Variants in ATXN2 observed in about 807,000 individuals in gnomAD.
The protein encoded by ATXN2 is ataxin-2.
ATXN2 carries 37 observed loss-of-function variants against 138.6 expected under a neutral mutation model. The ratio of observed to expected loss-of-function variants is 0.27; its 90% CI spans 0.21 to 0.35. The LOEUF (loss-of-function observed/expected upper bound fraction) is 0.35, where lower values mean the gene tolerates loss of function less well. Among genes scored for constraint, ATXN2 ranks in the 10% least tolerant of loss-of-function variants. ATXN2 has a pLI of 1.00. For synonymous variants in ATXN2, 549 were observed against 543.7 expected (o/e 1.01, Z -0.13); for missense variants, 1,216 against 1,480.3 (o/e 0.82, Z 2.93).
chr12:111,566,923 C>T (rs1295026652), intron 1 of ATXN2, among the ~76,000 whole-genome samples: 1 of 152,158 alleles, frequency 6.6e-6, no homozygotes, highest in Non-Finnish European at 1.5e-5. Flanking sequence ...CAGGCATGAG[C>T]CACCGTGCCC....
intron 5 of ATXN2, among the ~76,000 whole-genome samples, chr12:111,550,570 T>C (rs190055234): frequency 3.3e-5 from 5 of 152,274 alleles, no homozygotes; most frequent in Admixed American, 1.3e-4. Context: ...AATATTTCAA[T>C]AGTATAAGTA....
intron 14 of ATXN2, among the ~76,000 whole-genome samples, chr12:111,498,991 C>T (rs925320811): frequency 3.3e-5 from 5 of 151,964 alleles, no homozygotes; most frequent in African/African-American, 1.2e-4. Flanking sequence ...AACTGGATAT[C>T]CATATGCAGA....
intron 11 of ATXN2, chr12:111,512,330 A>G (rs1879583139): frequency 6.6e-6 from 1 of 152,246 alleles, no homozygotes; most frequent in Non-Finnish European, 1.5e-5. Flanking sequence ...TGTTTGTTTT[A>G]AGTATTCTTT....
intron 14 of ATXN2, among the ~76,000 whole-genome samples, chr12:111,489,016 T>A (rs1349143090): frequency 6.6e-6 from 1 of 152,200 alleles, no homozygotes; most frequent in Admixed American, 6.5e-5. Flanking sequence ...CAATATTTAC[T>A]GAGTGCTTAC....
At chr12:111,511,068 G>A (rs1879479624) in intron 11 of ATXN2, 1 of 152,634 alleles carries the variant, frequency 6.6e-6, no homozygotes, top group Non-Finnish European at 1.5e-5. Flanking sequence ...CCACTGTGCA[G>A]TAATTAAGGA....
At position 111,525,145 on chromosome 12, in the gene ATXN2, T is replaced by C. The variant is rs774517238; in HGVS notation, c.696+47A>G. On this transcript the variant is annotated intron_variant, in intron 6 of 24. Transcript: ENST00000673436. ...TTTAAATTACAACCAAGTGACAGGA[T>C]GTCATACTGACCAGAGTCTAGCAAT... 7 of 1,575,464 alleles carry C rather than the reference T, an allele frequency of 4.4e-6. No homozygotes were observed. In the East Asian group the frequency reaches 1.6e-4, roughly 35 times the overall value.
intron 1 of ATXN2, among the ~76,000 whole-genome samples, chr12:111,594,147 A>T (rs1280804280): frequency 5.3e-5 from 8 of 152,210 alleles, no homozygotes; most frequent in Non-Finnish European, 1.0e-4. Flanking sequence ...ATTAGAATGT[A>T]AACTCCAAAA....
chr12:111,526,403 CTT>C (rs778084602), intron 5 of ATXN2, among the ~76,000 whole-genome samples: 19 of 137,512 alleles, frequency 1.4e-4, no homozygotes, highest in African/African-American at 4.0e-4. Context: ...AAAAATATCT[CTT>C]TTTTTTTTTT....
intron 1 of ATXN2, among the ~76,000 whole-genome samples, chr12:111,558,079 A>T (rs940268179): frequency 1.4e-4 from 21 of 152,224 alleles, no homozygotes; most frequent in Non-Finnish European, 2.8e-4. Flanking sequence ...GAGTTTACTC[A>T]AAAGAACGAA....
intron 14 of ATXN2, among the ~76,000 whole-genome samples, chr12:111,503,551 ATTTT>A (rs923799742): frequency 5.3e-5 from 8 of 150,978 alleles, no homozygotes; most frequent in African/African-American, 2.0e-4. Context: ...TCACTCTTTT[ATTTT>A]TTTTTAATTA....
chr12:111,541,914 C>A (rs887224917), intron 5 of ATXN2, among the ~76,000 whole-genome samples: 2 of 147,192 alleles, frequency 1.4e-5, no homozygotes, highest in East Asian at 4.0e-4. Flanking sequence ...GTAGCTGGTA[C>A]CTGCCACCAT....
chr12:111,522,470 T>C (rs995649333), intron 6 of ATXN2, among the ~76,000 whole-genome samples: 6 of 151,154 alleles, frequency 4.0e-5, no homozygotes, highest in Non-Finnish European at 7.4e-5. Flanking sequence ...ATTAGCCAGG[T>C]GTGGTGGCGG....
chr12:111,477,635 C>A (rs1315267506), intron 18 of ATXN2, among the ~76,000 whole-genome samples: 2 of 152,102 alleles, frequency 1.3e-5, no homozygotes, highest in Non-Finnish European at 2.9e-5. Context: ...AAAAAAACCG[C>A]AGACTGGGAG....
chr12:111,457,158 C>T, intron 22 of ATXN2, 56 bp downstream of exon 22: 2 of 1,560,486 alleles, frequency 1.3e-6, no homozygotes, highest in South Asian at 2.4e-5. Flanking sequence ...CTGAAGAAAG[C>T]ACTCAGATAC....
At chr12:111,490,976 G>A (rs1357639921) in intron 14 of ATXN2, among the ~76,000 whole-genome samples, 1 of 152,096 alleles carries the variant, frequency 6.6e-6, no homozygotes, top group African/African-American at 2.4e-5. Flanking sequence ...CTGAATTTCG[G>A]GCTGGGCACT....
In ATXN2 at chr12:111,486,834, AT is replaced by A; in HGVS notation, c.2241-11del. 1.9e-6 allele frequency: 3 copies of A among 1,609,014 alleles called. No homozygotes were observed. Among genetic ancestry groups the A allele is most frequent in the Non-Finnish European group, 2.6e-6 (3 of 1,175,912 alleles). On this transcript the variant is annotated splice_polypyrimidine_tract_variant and intron_variant, in intron 15 of 24. Coordinates refer to ENST00000673436, the MANE Select transcript of ATXN2 (RefSeq NM_001372574.1). ...TGATTTCCTAACTTGCCTAAAAAAAATATAAAGGCCAGTGAAATCTACATGG... is the reference window on the plus strand; with the variant it reads ...TGATTTCCTAACTTGCCTAAAAAAAAATAAAGGCCAGTGAAATCTACATGG...
intron 19 of ATXN2, among the ~76,000 whole-genome samples, 154 bp downstream of exon 19, chr12:111,470,404 A>G (rs1304549484): frequency 6.6e-6 from 1 of 152,218 alleles, no homozygotes; most frequent in Admixed American, 6.5e-5. Context: ...AATCATCAGT[A>G]ACCTTCGAAT....
At chr12:111,485,981 T>C (rs1877612310) in intron 16 of ATXN2, 116 bp from the exon 17 acceptor site, 2 of 949,154 alleles carry the variant, frequency 2.1e-6, no homozygotes, top group Non-Finnish European at 2.9e-6. Context: ...ATGTCCCTTT[T>C]ATTGAAAACA....
intron 5 of ATXN2, among the ~76,000 whole-genome samples, chr12:111,545,559 A>C (rs1434958672): frequency 6.6e-6 from 1 of 151,896 alleles, no homozygotes; most frequent in African/African-American, 2.4e-5. Context: ...CCGAGACTCC[A>C]TCTAAAAAAA....
Sources: allele counts gnomAD v4.1 joint callset (sites outside exome capture counted in the v4.1 genomes callset), GRCh38; gene constraint gnomAD v4.1.1; transcripts MANE v1.5; gene names NCBI Gene and HGNC (gene_info 2026-07-23, HGNC 2026-07-21).